The following ATP10A variants were observed in gnomAD, a reference collection of about 807,000 sequenced individuals.
ATP10A encodes the protein phospholipid-transporting ATPase VA.
In ATP10A, 111 loss-of-function variants were observed where a neutral mutation model predicts 147.8. That is an observed-to-expected ratio of 0.75 (90% CI 0.64 to 0.88). ATP10A has a LOEUF of 0.88. Ranked by LOEUF, ATP10A falls within the 40% of genes least tolerant of loss-of-function variation. ATP10A has a pLI of 0.00. For synonymous variants in ATP10A, 875 were observed against 841.6 expected (o/e 1.04, Z -0.69); for missense variants, 1,927 against 1,959.0 (o/e 0.98, Z 0.31).
intron 4 of ATP10A, among the ~76,000 whole-genome samples, chr15:25,726,883 C>T (rs1211595515): frequency 1.7e-5 from 2 of 120,836 alleles, no homozygotes; most frequent in African/African-American, 6.0e-5. Context: ...AATCCCGTAT[C>T]TACTAAAAAA....
intron 1 of ATP10A, among the ~76,000 whole-genome samples, chr15:25,844,741 C>G (rs1423666738): frequency 2.0e-5 from 3 of 152,164 alleles, no homozygotes; most frequent in Non-Finnish European, 4.4e-5. Context: ...TGGCTGTGCA[C>G]GAGCTGCCAA....
In ATP10A at chr15:25,678,884, G is replaced by A. The variant is rs1321129141; in HGVS notation, c.*457C>T. The A allele has an allele frequency of 6.6e-6, 1 of 152,374 alleles. No individual in the cohort carries two copies. Among genetic ancestry groups the A allele is most frequent in the Non-Finnish European group, 1.5e-5 (1 of 68,060 alleles). The allele number at this position is 152,374 out of a possible 1,614,324, so 9.4% of individuals were successfully genotyped here. On this transcript the variant is annotated 3_prime_UTR_variant, in exon 21 of 21. Transcript: ENST00000555815. The stretch of plus-strand genomic sequence containing the variant: ...TCTTCCTTTCCTTCATCTGGATGAA[G>A]TGGAGCCCAGCCCTCCTGTGTCAGT...
At chr15:25,765,565 G>T (rs1350611274) in intron 2 of ATP10A, among the ~76,000 whole-genome samples, 1 of 152,066 alleles carries the variant, frequency 6.6e-6, no homozygotes, top group Admixed American at 6.6e-5. Context: ...GCAGGTAAGC[G>T]GTCACTCCTG....
intron 1 of ATP10A, among the ~76,000 whole-genome samples, chr15:25,836,929 C>A (rs1452047948): frequency 6.6e-6 from 1 of 152,310 alleles, no homozygotes; most frequent in East Asian, 1.9e-4. Context: ...ACACCACCTG[C>A]CATGGGGCTC....
chr15:25,801,924 A>AG (rs1890957249), intron 1 of ATP10A, among the ~76,000 whole-genome samples: 1 of 152,162 alleles, frequency 6.6e-6, no homozygotes, highest in Non-Finnish European at 1.5e-5. Flanking sequence ...ACCCTACAGA[A>AG]GGCTCCACAC....
chr15:25,859,492 C>T (rs1280352062), intron 1 of ATP10A, among the ~76,000 whole-genome samples: 1 of 152,160 alleles, frequency 6.6e-6, no homozygotes, highest in Non-Finnish European at 1.5e-5. Context: ...GGGCTTCCCA[C>T]ACCCTCCCAT....
intron 2 of ATP10A, among the ~76,000 whole-genome samples, chr15:25,760,596 A>C (rs941236668): frequency 6.6e-6 from 1 of 152,262 alleles, no homozygotes; most frequent in African/African-American, 2.4e-5. Flanking sequence ...ATAGTTTCTA[A>C]TAATTTTGAG....
At chr15:25,672,987 C>T (rs1899071337), downstream of ATP10A, among the ~76,000 whole-genome samples, 1 of 152,080 alleles carries the variant, frequency 6.6e-6, no homozygotes, top group African/African-American at 2.4e-5. Context: ...TGTGCACGGC[C>T]ACATCCCAAG....
intron 1 of ATP10A, among the ~76,000 whole-genome samples, chr15:25,855,541 AACACACACACAC>A (rs59597825): frequency 4.1e-5 from 6 of 145,990 alleles, no homozygotes; most frequent in Non-Finnish European, 9.0e-5. Context: ...TATTGGTTAA[AACACACACACAC>A]ACACACACAC....
chr15:25,753,852 C>T (rs1888282495), intron 2 of ATP10A, among the ~76,000 whole-genome samples: 1 of 151,630 alleles, frequency 6.6e-6, no homozygotes. Context: ...TCAGAGCTTA[C>T]TATAACCTTG....
At chr15:25,735,919 G>T in intron 3 of ATP10A, 137 bp downstream of exon 3, 1 of 780,406 alleles carries the variant, frequency 1.3e-6, no homozygotes, top group Non-Finnish European at 2.2e-6. Context: ...AGGCTCAGGT[G>T]CTGGGCCACA....
chr15:25,719,973 C>A (rs1199984714), intron 7 of ATP10A, among the ~76,000 whole-genome samples: 1 of 152,152 alleles, frequency 6.6e-6, no homozygotes. Context: ...GCTAGCTGAT[C>A]CAGGCACTTC....
At chr15:25,759,968 A>ATTTTT (rs11343295) in intron 2 of ATP10A, among the ~76,000 whole-genome samples, 2 of 147,084 alleles carry the variant, frequency 1.4e-5, no homozygotes, top group Non-Finnish European at 3.0e-5. Context: ...TGATCATGTA[A>ATTTTT]TTTTTTTTTT....
At chr15:25,702,753 A>AT (rs760038774) in intron 12 of ATP10A, among the ~76,000 whole-genome samples, 1,670 of 141,362 alleles carry the variant, frequency 0.012, 29 homozygotes, top group African/African-American at 0.033. Context: ...CCTGCCTCAG[A>AT]TTTTTTTTTT....
At chr15:25,699,390 A>C (rs571898767) in intron 13 of ATP10A, among the ~76,000 whole-genome samples, 1 of 152,380 alleles carries the variant, frequency 6.6e-6, no homozygotes, top group South Asian at 2.1e-4. Flanking sequence ...CTGGGCAGCC[A>C]CATGTGGAAA....
intron 16 of ATP10A, among the ~76,000 whole-genome samples, chr15:25,686,202 G>A (rs139260784): frequency 1.3e-5 from 2 of 152,196 alleles, no homozygotes; most frequent in Admixed American, 6.5e-5. Flanking sequence ...AATGAAGGGG[G>A]TGAGTGTGAA....
At chr15:25,691,634 G>T in intron 15 of ATP10A, 81 bp downstream of exon 15, 2 of 1,423,324 alleles carry the variant, frequency 1.4e-6, no homozygotes, top group African/African-American at 1.4e-5. Flanking sequence ...CCCAGAGGAA[G>T]TCGGGGACAG....
rs770692793 is a variant in ATP10A at position 25,679,803 on chromosome 15, G to A, written c.4038C>T (p.Thr1346=). 3.7e-6 allele frequency: 6 copies of A among 1,612,516 alleles called. No homozygotes were observed. Among genetic ancestry groups the A allele is most frequent in the South Asian group, 2.2e-5 (2 of 91,086 alleles). Reference sequence around the variant, plus strand: ...AAGAAGGCTGGGACAGGGGCACAGAGGTCTTGACTGTCCTCCCTGATGAGT... The same window carrying A: ...AAGAAGGCTGGGACAGGGGCACAGAAGTCTTGACTGTCCTCCCTGATGAGT... ...TEHSSGRTVK[T]SVPLSQPSWH... is the part of the protein sequence containing the mutation. The change falls in exon 21 of 21, where the codon ACC becomes ACT. Residue 1346 remains threonine (T), a synonymous_variant. Transcript: ENST00000555815.
rs1309665531 is a variant in ATP10A, at chr15:25,718,376, C to T, written c.1387G>A (p.Glu463Lys). ...ANAQRLARYQEADSEEEEVVP... is the reference protein window; with the variant it reads ...ANAQRLARYQKADSEEEEVVP... The stretch of plus-strand genomic sequence containing the variant: ...ACCTCCTCCTCCTCCGAGTCTGCCT[C>T]TTGGTACCTGGCCAGACGCTGCGCT... The change falls in exon 8 of 21, where the codon GAG becomes AAG. Residue 463 changes from glutamate to lysine, a missense_variant. Transcript: ENST00000555815. 6.2e-7 allele frequency: 1 copy of T among 1,606,232 alleles called. No homozygotes were observed. Among genetic ancestry groups the T allele is most frequent in the Non-Finnish European group, 8.5e-7 (1 of 1,178,406 alleles).
Sources: gnomAD v4.1 joint callset for allele counts (sites outside exome capture counted in the v4.1 genomes callset) on GRCh38, gnomAD v4.1.1 for gene constraint, MANE v1.5 for transcripts, NCBI Gene and HGNC (gene_info 2026-07-23, HGNC 2026-07-21) for gene names.